Variants in ANK3 observed in about 807,000 individuals in gnomAD.
ANK3 encodes ankyrin 3.
ANK3 carries 57 observed loss-of-function variants against 370.9 expected under a neutral mutation model. That is an observed-to-expected ratio of 0.15 (90% CI 0.12 to 0.19). ANK3 has a LOEUF of 0.19. Ranked by LOEUF, ANK3 falls within the 10% of genes least tolerant of loss-of-function variation. ANK3 has a pLI of 1.00. For missense variants in ANK3, 4,439 were observed against 5,302.1 expected, an observed-to-expected ratio of 0.84 and a Z score of 5.06; for synonymous variants, 1,929 against 1,946.3, an observed-to-expected ratio of 0.99 and a Z score of 0.23.
intron 2 of ANK3, among the ~76,000 whole-genome samples, chr10:60,608,963 AT>A (rs1166235505): frequency 2.6e-5 from 4 of 152,044 alleles, no homozygotes; most frequent in East Asian, 1.9e-4. Context: ...ATACTTTAAC[AT>A]TTTTTTAAGC....
intron 2 of ANK3, among the ~76,000 whole-genome samples, chr10:60,511,898 A>G (rs2076093110): frequency 6.6e-6 from 1 of 152,020 alleles, no homozygotes; most frequent in Non-Finnish European, 1.5e-5. Context: ...AGAATTTCAG[A>G]GACATTTAAA....
intron 1 of ANK3, among the ~76,000 whole-genome samples, chr10:60,379,032 G>A (rs78856471): frequency 0.1 from 15,270 of 151,822 alleles, 1,006 homozygotes; most frequent in South Asian, 0.16. Flanking sequence ...CACACAATCC[G>A]ATTTAAAAAT....
intron 1 of ANK3, among the ~76,000 whole-genome samples, chr10:60,360,445 A>C (rs2058424232): frequency 6.6e-6 from 1 of 152,242 alleles, no homozygotes; most frequent in Non-Finnish European, 1.5e-5. Context: ...GCGTTGGCTC[A>C]TGCCTGTAGT....
chr10:60,417,341 A>C (rs2063690226), intron 2 of ANK3, among the ~76,000 whole-genome samples: 1 of 152,202 alleles, frequency 6.6e-6, no homozygotes, highest in Admixed American at 6.5e-5. Flanking sequence ...GAGTGCCCCC[A>C]GGGATAAAGA....
chr10:60,644,879 T>C (rs1164119548), intron 1 of ANK3, among the ~76,000 whole-genome samples: 1 of 121,874 alleles, frequency 8.2e-6, no homozygotes, highest in African/African-American at 2.9e-5. Flanking sequence ...GAATTACAGA[T>C]AGTTTTAGTT....
At chr10:60,379,987 TA>T (rs1007667220) in intron 1 of ANK3, among the ~76,000 whole-genome samples, 4 of 151,354 alleles carry the variant, frequency 2.6e-5, no homozygotes, top group African/African-American at 7.3e-5. Context: ...ATTTGTCAAT[TA>T]AAAAAAATCG....
In ANK3 at chr10:60,068,535, T is replaced by C. The variant is rs111452453; in HGVS notation, c.12244+102A>G. On this transcript the variant is annotated intron_variant, in intron 37 of 43. Coordinates refer to ENST00000280772, the MANE Select transcript of ANK3 (RefSeq NM_020987.5). Reference sequence around the variant, plus strand: ...GTCACTCCACAGGCAATCACAACAGTTCATGCACTAGGGTCTACGAGTTGG... The same window carrying C: ...GTCACTCCACAGGCAATCACAACAGCTCATGCACTAGGGTCTACGAGTTGG... The C allele has an allele frequency of 6.4e-6, 8 of 1,258,560 alleles. No homozygotes were observed. In the East Asian group the frequency reaches 1.6e-4, roughly 26 times the overall value. The allele number at this position is 1,258,560 out of a possible 1,614,324, so 78.0% of individuals were successfully genotyped here.
chr10:60,329,327 G>A (rs1566622634), intron 1 of ANK3, among the ~76,000 whole-genome samples: 1 of 152,106 alleles, frequency 6.6e-6, no homozygotes, highest in African/African-American at 2.4e-5. Flanking sequence ...CAAGTAGGAA[G>A]AGAGGAAATC....
At chr10:60,510,104 A>C (rs1201351633) in intron 2 of ANK3, among the ~76,000 whole-genome samples, 1 of 151,890 alleles carries the variant, frequency 6.6e-6, no homozygotes, top group Non-Finnish European at 1.5e-5. Flanking sequence ...GTAGTCCTTC[A>C]TCTAGTATCA....
chr10:60,196,178 C>G lies in ANK3; in HGVS notation c.1854G>C (p.Leu618Phe). The change falls in exon 16 of 44, where the codon TTG (leucine) becomes TTC (phenylalanine). Residue 618 changes from leucine (L) to phenylalanine (F), a missense_variant. Transcript: ENST00000280772. ...YDNQKVALLLLDQGASPHAAA... is the reference protein window; with the variant it reads ...YDNQKVALLLFDQGASPHAAA... ...CTGCGTGAGGTGAGGCTCCTTGGTC[C>G]AAAAGCAGAAGGGCCACTTTCTGAT... 1 of 1,613,872 alleles carries G rather than the reference C, an allele frequency of 6.2e-7. No homozygotes were observed. Among genetic ancestry groups the G allele is most frequent in the Non-Finnish European group, 8.5e-7 (1 of 1,179,864 alleles).
intron 1 of ANK3, among the ~76,000 whole-genome samples, chr10:60,295,021 T>C (rs2042210602): frequency 6.6e-6 from 1 of 152,176 alleles, no homozygotes; most frequent in South Asian, 2.1e-4. Context: ...TCATTATAAG[T>C]AGTTATAACA....
chr10:60,321,671 G>A (rs1002448599), intron 1 of ANK3, among the ~76,000 whole-genome samples: 5 of 152,164 alleles, frequency 3.3e-5, no homozygotes, highest in African/African-American at 1.2e-4. Flanking sequence ...AATTAGAGAG[G>A]TCATATAACT....
At chr10:60,396,341 T>C (rs536420383) in intron 2 of ANK3, among the ~76,000 whole-genome samples, 1 of 152,292 alleles carries the variant, frequency 6.6e-6, no homozygotes, top group South Asian at 2.1e-4. Flanking sequence ...AATCAGGTAT[T>C]TCACTCTATT....
At chr10:60,480,952 G>A (rs2133100802) in intron 2 of ANK3, among the ~76,000 whole-genome samples, 1 of 152,172 alleles carries the variant, frequency 6.6e-6, no homozygotes, top group African/African-American at 2.4e-5. Context: ...TGGTCTGTTA[G>A]GATCAGTTTT....
At chr10:60,162,549 C>G (rs542519924) in intron 23 of ANK3, among the ~76,000 whole-genome samples, 1 of 152,232 alleles carries the variant, frequency 6.6e-6, no homozygotes, top group South Asian at 2.1e-4. Flanking sequence ...GAACATGATT[C>G]TTCTTATCCC....
chr10:60,120,655 C>T (rs1268667481), intron 25 of ANK3, among the ~76,000 whole-genome samples: 1 of 151,964 alleles, frequency 6.6e-6, no homozygotes, highest in Non-Finnish European at 1.5e-5. Context: ...TAAAAATAGG[C>T]AAAAGAACTG....
chr10:60,677,949 G>A (rs576935489), intron 1 of ANK3, among the ~76,000 whole-genome samples: 18 of 152,060 alleles, frequency 1.2e-4, no homozygotes, highest in East Asian at 5.8e-4. Flanking sequence ...GCCCAAATCC[G>A]CTCAGACTGC....
intron 42 of ANK3, 49 bp downstream of exon 42, chr10:60,055,609 C>T (rs4948384): frequency 0.19 from 287,026 of 1,534,764 alleles, 28,168 homozygotes; most frequent in Non-Finnish European, 0.2. Context: ...AAGTAAAGCA[C>T]CGATACTTTC....
chr10:60,071,774 G>A lies in ANK3; in HGVS notation c.9107C>T (p.Pro3036Leu). The change falls in exon 37 of 44, where the codon CCA (proline) becomes CTA (leucine). Residue 3036 changes from proline (P) to leucine (L), a missense_variant. Pro to Leu is a moderately conservative substitution (Grantham distance 98). Transcript: ENST00000280772. ...GGAGGTTTCGGTTTCCTCGAGAGGT[G>A]GGCATAAACCTACATAACTCTGGTG... ...SKHQSYVGLCPPLEETETSPT... is the reference protein window; with the variant it reads ...SKHQSYVGLCLPLEETETSPT... 6.2e-7 allele frequency: 1 copy of A among 1,601,596 alleles called. No homozygotes were observed. The highest frequency in any genetic ancestry group is 2.2e-5 in the East Asian group (1 of 44,814).
Sources: gnomAD v4.1 joint callset for allele counts (sites outside exome capture counted in the v4.1 genomes callset) on GRCh38, gnomAD v4.1.1 for gene constraint, MANE v1.5 for transcripts, NCBI Gene and HGNC (gene_info 2026-07-23, HGNC 2026-07-21) for gene names.